NELL1: variants seen among roughly 807,000 people sequenced by gnomAD.
The protein encoded by NELL1 is neural EGFL like 1, also known as protein kinase C-binding protein NELL1.
In NELL1, 76 loss-of-function variants were observed where a neutral mutation model predicts 107.4. That is an observed-to-expected ratio of 0.71 (90% CI 0.59 to 0.86). NELL1 has a LOEUF of 0.86. Ranked by LOEUF, NELL1 falls within the 40% of genes least tolerant of loss-of-function variation. NELL1 has a pLI of 0.00. For missense variants in NELL1, 1,024 were observed against 1,005.5 expected, an observed-to-expected ratio of 1.02 and a Z score of -0.25; for synonymous variants, 353 against 341.2, an observed-to-expected ratio of 1.03 and a Z score of -0.38.
chr11:20,755,565 T>TTTTTATTTA (rs1856257454), intron 2 of NELL1, among the ~76,000 whole-genome samples: 1 of 141,866 alleles, frequency 7.0e-6, no homozygotes, highest in African/African-American at 2.8e-5. Context: ...TGTTTTTGTT[T>TTTTTATTTA]TTTTTTTTTT....
intron 12 of NELL1, among the ~76,000 whole-genome samples, chr11:21,058,640 TC>T (rs1853666503): frequency 6.6e-6 from 1 of 152,142 alleles, no homozygotes; most frequent in Non-Finnish European, 1.5e-5. Context: ...ATCTTCTAGA[TC>T]TAACATGAAC....
At chr11:21,352,779 A>G (rs1850847318) in intron 14 of NELL1, among the ~76,000 whole-genome samples, 1 of 152,148 alleles carries the variant, frequency 6.6e-6, no homozygotes, top group Non-Finnish European at 1.5e-5. Flanking sequence ...ACTCTTACAG[A>G]AAGAAAGAAT....
chr11:20,705,765 A>G (rs1854931981), intron 2 of NELL1, among the ~76,000 whole-genome samples: 1 of 150,806 alleles, frequency 6.6e-6, no homozygotes, highest in Non-Finnish European at 1.5e-5. Flanking sequence ...CAACCTACTC[A>G]TCTGACAAAG....
At chr11:21,168,888 T>C (rs11025955) in intron 13 of NELL1, among the ~76,000 whole-genome samples, 16,345 of 151,852 alleles carry the variant, frequency 0.11, 1,097 homozygotes, top group African/African-American at 0.14. Context: ...TTTAGGTATT[T>C]GCATTGGTTA....
At chr11:21,322,323 C>T (rs935133316) in intron 14 of NELL1, among the ~76,000 whole-genome samples, 4 of 152,088 alleles carry the variant, frequency 2.6e-5, no homozygotes, top group African/African-American at 9.7e-5. Context: ...AATTAAATGG[C>T]ATCTATGGTT....
At chr11:20,974,648 A>G (rs1851568267) in intron 12 of NELL1, among the ~76,000 whole-genome samples, 1 of 152,132 alleles carries the variant, frequency 6.6e-6, no homozygotes, top group Non-Finnish European at 1.5e-5. Context: ...ACAACTTCTC[A>G]TAAGCTATGA....
chr11:20,786,897 A>C (rs969890203), intron 3 of NELL1, among the ~76,000 whole-genome samples: 2 of 148,038 alleles, frequency 1.4e-5, no homozygotes, highest in Non-Finnish European at 3.0e-5. Context: ...AGTCCCAGCT[A>C]CTTGGGAGGC....
intron 14 of NELL1, among the ~76,000 whole-genome samples, chr11:21,254,774 C>G (rs777934761): frequency 1.3e-5 from 2 of 152,100 alleles, no homozygotes; most frequent in African/African-American, 2.4e-5. Context: ...TTTGCTCTCT[C>G]TTCTTTTCAC....
intron 12 of NELL1, among the ~76,000 whole-genome samples, chr11:21,046,023 G>A (rs1381951474): frequency 1.3e-5 from 2 of 152,046 alleles, no homozygotes; most frequent in Non-Finnish European, 2.9e-5. Context: ...GGCATTTAAG[G>A]ATGCTATTGA....
In NELL1 at chr11:21,104,389, T is replaced by C. The variant is rs569210499; in HGVS notation, c.1301-9200T>C. On this transcript the variant is annotated intron_variant, in intron 12 of 19. Coordinates refer to ENST00000357134, the MANE Select transcript of NELL1 (RefSeq NM_006157.5). ...CAGTGCCAGCTAGAAATTCGTATGC[T>C]GTGATTCCCAGGGGCACAAAAAGAT... is the stretch of plus-strand genomic sequence containing the variant. Among the ~76,000 whole-genome samples the C allele has an allele frequency of 2.0e-5, 3 of 152,334 alleles. No homozygotes were observed. The South Asian group carries it at 6.2e-4, about 32-fold the overall frequency.
In NELL1 at chr11:21,575,163, G is replaced by A. The variant is rs534590740; in HGVS notation, c.*141G>A. ...ATTGCCAAAGTTTCCACCTGAGGACGGTGTTTGGAGGTTGCCTTTTGGACC... is the reference window on the plus strand; with the variant it reads ...ATTGCCAAAGTTTCCACCTGAGGACAGTGTTTGGAGGTTGCCTTTTGGACC... On this transcript the variant is annotated 3_prime_UTR_variant, in exon 20 of 20. Coordinates refer to ENST00000357134, the MANE Select transcript of NELL1 (RefSeq NM_006157.5). 20 of 733,750 alleles carry A rather than the reference G, an allele frequency of 2.7e-5. No individual in the cohort carries two copies. The highest frequency in any genetic ancestry group is 1.4e-4 in the East Asian group (5 of 36,656). The allele number at this position is 733,750 out of a possible 1,614,324, so 45.5% of individuals were successfully genotyped here.
At chr11:20,702,295 A>G (rs554917503) in intron 2 of NELL1, among the ~76,000 whole-genome samples, 9 of 152,234 alleles carry the variant, frequency 5.9e-5, no homozygotes, top group African/African-American at 2.2e-4. Context: ...TTCACTCATG[A>G]TTTGGCTCTC....
At chr11:21,002,314 G>A (rs1852240454) in intron 12 of NELL1, among the ~76,000 whole-genome samples, 1 of 72,528 alleles carries the variant, frequency 1.4e-5, no homozygotes, top group Admixed American at 1.1e-4. Context: ...CATTCCTTTT[G>A]TAAAAGGAAA....
chr11:21,334,487 A>G (rs74624177), intron 14 of NELL1, among the ~76,000 whole-genome samples: 2,237 of 151,996 alleles, frequency 0.015, 40 homozygotes, highest in African/African-American at 0.051. Context: ...CTAAGATAAT[A>G]CCCCCACCTA....
chr11:21,467,051 T>G lies in NELL1; in HGVS notation c.1646-67323T>G, dbSNP rs576238596. Among the ~76,000 whole-genome samples the G allele has an allele frequency of 2.0e-5, 3 of 152,154 alleles. No homozygotes were observed. The South Asian group carries it at 6.2e-4, about 32-fold the overall frequency. ...CTGTATTTTCCAGACATGCAACAAC[T>G]GGGATAATTGAAGGAAGAGTAGACT... On this transcript the variant is annotated intron_variant, in intron 15 of 19. Transcript: ENST00000357134.
intron 14 of NELL1, among the ~76,000 whole-genome samples, chr11:21,314,864 C>CTTTTTTTTT (rs750358102): frequency 1.0e-4 from 15 of 144,752 alleles, no homozygotes; most frequent in African/African-American, 3.8e-4. Flanking sequence ...AGCAAGAGGG[C>CTTTTTTTTT]TTTTTTTTTT....
At chr11:21,403,509 T>G (rs575424686) in intron 15 of NELL1, among the ~76,000 whole-genome samples, 10 of 141,758 alleles carry the variant, frequency 7.1e-5, no homozygotes, top group Non-Finnish European at 1.3e-4. Flanking sequence ...TGGATGAGTT[T>G]CATGCCCCAT....
At chr11:21,076,189 G>A (rs957069313) in intron 12 of NELL1, among the ~76,000 whole-genome samples, 1 of 152,234 alleles carries the variant, frequency 6.6e-6, no homozygotes, top group African/African-American at 2.4e-5. Context: ...AACGCCTTCA[G>A]TGTTTAGGAT....
At chr11:20,742,935 G>A (rs1056541852) in intron 2 of NELL1, among the ~76,000 whole-genome samples, 2 of 152,102 alleles carry the variant, frequency 1.3e-5, no homozygotes, top group South Asian at 2.1e-4. Context: ...CACCTAGAAT[G>A]TTTCTGTGTG....
Sources: allele counts gnomAD v4.1 joint callset (sites outside exome capture counted in the v4.1 genomes callset), GRCh38; gene constraint gnomAD v4.1.1; transcripts MANE v1.5; gene names NCBI Gene and HGNC (gene_info 2026-07-23, HGNC 2026-07-21).